The following MARCHF1 variants were observed in gnomAD, a reference collection of about 807,000 sequenced individuals.
MARCHF1 encodes the protein membrane associated ring-CH-type finger 1, also known as E3 ubiquitin-protein ligase MARCHF1.
MARCHF1 carries 40 observed loss-of-function variants against 54.2 expected under a neutral mutation model. That is an observed-to-expected ratio of 0.74 (90% CI 0.57 to 0.96). The LOEUF is 0.96. Ranked by LOEUF, MARCHF1 falls within the 40% of genes least tolerant of loss-of-function variation. The probability of loss-of-function intolerance (pLI) is 0.00; values close to 1 mark genes in which losing one functional copy is unlikely to be tolerated. For synonymous variants in MARCHF1, 236 were observed against 236.3 expected, an observed-to-expected ratio of 1.00 and a Z score of 0.01; for missense variants, 586 against 656.5, an observed-to-expected ratio of 0.89 and a Z score of 1.17.
chr4:164,080,763 G>T (rs1392543211), intron 2 of MARCHF1, among the ~76,000 whole-genome samples: 2 of 151,278 alleles, frequency 1.3e-5, no homozygotes, highest in Non-Finnish European at 2.9e-5. Flanking sequence ...AATGTAAAAA[G>T]CATAAAAGTC....
intron 4 of MARCHF1, among the ~76,000 whole-genome samples, chr4:163,723,811 C>T (rs576884896): frequency 6.6e-6 from 1 of 152,298 alleles, no homozygotes; most frequent in Non-Finnish European, 1.5e-5. Flanking sequence ...TCCAGTTGAA[C>T]GAATCGGCTA....
chr4:164,100,524 G>A (rs1366079454), intron 2 of MARCHF1, among the ~76,000 whole-genome samples: 1 of 152,230 alleles, frequency 6.6e-6, no homozygotes, highest in Non-Finnish European at 1.5e-5. Flanking sequence ...ATAAGAATAT[G>A]TGTTGCCTAA....
rs781236474 is a variant in MARCHF1, at chr4:163,613,334, T to A, written c.222A>T (p.Pro74=). 1.6e-5 allele frequency: 26 copies of A among 1,612,670 alleles called. No individual in the cohort carries two copies. The highest frequency in any genetic ancestry group is 2.1e-5 in the Non-Finnish European group (25 of 1,179,314). The change falls in exon 6 of 10, where the codon CCA becomes CCT. Residue 74 remains proline, a synonymous_variant. Coordinates refer to ENST00000514618, the MANE Select transcript of MARCHF1 (RefSeq NM_001394959.1). ...CTTACCTGCAGATGTCCTGAGTGGA[T>A]GGACAGACAGACAACCTTGACTGGC... is the stretch of plus-strand genomic sequence containing the variant. ...PRSQSRLSVC[P]STQDICRSAI...
At chr4:163,784,315 T>TG (rs1304253827) in intron 4 of MARCHF1, among the ~76,000 whole-genome samples, 1 of 152,056 alleles carries the variant, frequency 6.6e-6, no homozygotes, top group Non-Finnish European at 1.5e-5. Flanking sequence ...GCCAGTTTCA[T>TG]GGGGGGTTCC....
chr4:163,907,927 A>G (rs543617605), intron 3 of MARCHF1, among the ~76,000 whole-genome samples: 4 of 152,276 alleles, frequency 2.6e-5, no homozygotes, highest in African/African-American at 9.6e-5. Context: ...ATCATACCAG[A>G]AACCTGAAGA....
intron 3 of MARCHF1, among the ~76,000 whole-genome samples, chr4:163,937,308 A>C (rs1050878592): frequency 8.6e-5 from 13 of 152,006 alleles, no homozygotes; most frequent in African/African-American, 3.1e-4. Flanking sequence ...ATATATGATA[A>C]AAATATGCAG....
chr4:163,944,930 A>C (rs1426111762), intron 3 of MARCHF1, among the ~76,000 whole-genome samples: 1 of 152,218 alleles, frequency 6.6e-6, no homozygotes, highest in African/African-American at 2.4e-5. Flanking sequence ...TTGACTATTC[A>C]TATTCCTAGG....
intron 5 of MARCHF1, among the ~76,000 whole-genome samples, chr4:163,657,654 C>G (rs1047424806): frequency 5.3e-5 from 8 of 152,094 alleles, no homozygotes; most frequent in Admixed American, 3.3e-4. Context: ...TTCTGGACTT[C>G]AAACTATACT....
intron 2 of MARCHF1, among the ~76,000 whole-genome samples, chr4:164,086,558 T>A (rs1267832462): frequency 6.6e-6 from 1 of 152,014 alleles, no homozygotes; most frequent in Non-Finnish European, 1.5e-5. Context: ...CTCTTTGTTC[T>A]ACCCATCTTC....
chr4:163,763,663 T>C (rs780129780), intron 4 of MARCHF1, among the ~76,000 whole-genome samples: 1 of 152,068 alleles, frequency 6.6e-6, no homozygotes, highest in African/African-American at 2.4e-5. Flanking sequence ...CAGCACACGC[T>C]GCATATCATT....
intron 7 of MARCHF1, among the ~76,000 whole-genome samples, chr4:163,593,604 T>C (rs1740663269): frequency 6.6e-6 from 1 of 152,212 alleles, no homozygotes; most frequent in African/African-American, 2.4e-5. Context: ...TTTGAATTTT[T>C]CTAAGCTCAT....
At chr4:164,152,322 G>A (rs1729964292) in intron 1 of MARCHF1, among the ~76,000 whole-genome samples, 1 of 151,960 alleles carries the variant, frequency 6.6e-6, no homozygotes, top group South Asian at 2.1e-4. Flanking sequence ...CTTACTTTCT[G>A]CTGTCCCATA....
intron 1 of MARCHF1, among the ~76,000 whole-genome samples, chr4:164,126,527 G>A (rs1318186024): frequency 6.6e-6 from 1 of 152,150 alleles, no homozygotes; most frequent in Non-Finnish European, 1.5e-5. Context: ...GTAACAAATG[G>A]CTGAAAATGT....
At chr4:164,127,423 T>G (rs17044524) in intron 1 of MARCHF1, among the ~76,000 whole-genome samples, 1 of 152,182 alleles carries the variant, frequency 6.6e-6, no homozygotes, top group Non-Finnish European at 1.5e-5. Flanking sequence ...TGTTCACTTG[T>G]GTTAGATTTA....
chr4:163,796,219 T>C (rs1305676631), intron 4 of MARCHF1, among the ~76,000 whole-genome samples: 1 of 103,882 alleles, frequency 9.6e-6, no homozygotes, highest in Non-Finnish European at 2.3e-5. Flanking sequence ...GTGAAACTTC[T>C]AGTTTTTTTT....
intron 4 of MARCHF1, among the ~76,000 whole-genome samples, chr4:163,743,579 T>C (rs1295144130): frequency 2.2e-4 from 8 of 35,898 alleles, no homozygotes; most frequent in African/African-American, 1.7e-3. Context: ...TACACCATCT[T>C]TTTTTTTTTT....
At chr4:163,574,164 G>T (rs1444418878) in intron 8 of MARCHF1, among the ~76,000 whole-genome samples, 2 of 151,870 alleles carry the variant, frequency 1.3e-5, no homozygotes, top group Non-Finnish European at 2.9e-5. Context: ...GGGGTTGTTT[G>T]TTTTTTCCTT....
chr4:164,383,243 G>A (rs76290715), intron 1 of MARCHF1: 3,486 of 152,400 alleles, frequency 0.023, 315 homozygotes, highest in Admixed American at 0.17. Context: ...CCCGCTGGCC[G>A]CAGGAACACA....
chr4:163,657,440 C>G (rs1005923285), intron 5 of MARCHF1, among the ~76,000 whole-genome samples: 8 of 152,032 alleles, frequency 5.3e-5, no homozygotes, highest in Non-Finnish European at 1.2e-4. Context: ...ACATTCCATG[C>G]TCATGGATAG....
Sources: gnomAD v4.1 joint callset for allele counts (sites outside exome capture counted in the v4.1 genomes callset) on GRCh38, gnomAD v4.1.1 for gene constraint, MANE v1.5 for transcripts, NCBI Gene and HGNC (gene_info 2026-07-23, HGNC 2026-07-21) for gene names.